Variants in ARNT2 observed in about 807,000 individuals in gnomAD.
ARNT2 encodes aryl hydrocarbon receptor nuclear translocator 2.
Under a neutral mutation model 91.7 loss-of-function variants are expected in ARNT2, and 36 were observed. The observed-to-expected ratio is 0.39, with a 90% confidence interval of 0.30 to 0.52. ARNT2 has a LOEUF of 0.52. Ranked by LOEUF, ARNT2 falls within the 20% of genes least tolerant of loss-of-function variation. The pLI, the probability that ARNT2 is intolerant of heterozygous loss-of-function variation, is 0.72. For missense variants in ARNT2, 775 were observed against 939.3 expected (o/e 0.83, Z 2.29); for synonymous variants, 365 against 347.1 (o/e 1.05, Z -0.57).
chr15:80,461,838 G>C (rs1303055535), intron 3 of ARNT2, among the ~76,000 whole-genome samples: 1 of 152,168 alleles, frequency 6.6e-6, no homozygotes, highest in Admixed American at 6.5e-5. Context: ...AGCCAAGAAA[G>C]CAGCCTCCAC....
At chr15:80,559,338 GCCCCA>G (rs1410616814) in intron 11 of ARNT2, among the ~76,000 whole-genome samples, 16 of 152,250 alleles carry the variant, frequency 1.1e-4, no homozygotes, top group South Asian at 1.0e-3. Context: ...CCCAGCCCCA[GCCCCA>G]GCCCCGGCCA....
intron 1 of ARNT2, among the ~76,000 whole-genome samples, chr15:80,449,659 C>CTT (rs1896358329): frequency 6.6e-6 from 1 of 152,172 alleles, no homozygotes; most frequent in Non-Finnish European, 1.5e-5. Flanking sequence ...TAAAATTCTT[C>CTT]TTCAAGAGTT....
intron 11 of ARNT2, among the ~76,000 whole-genome samples, chr15:80,561,634 T>G (rs1009664310): frequency 7.2e-5 from 11 of 152,162 alleles, no homozygotes; most frequent in Non-Finnish European, 1.3e-4. Flanking sequence ...TCATCAGTTT[T>G]AAATTGTGTG....
intron 8 of ARNT2, among the ~76,000 whole-genome samples, chr15:80,544,993 C>G (rs1310505508): frequency 4.6e-5 from 7 of 152,104 alleles, no homozygotes; most frequent in Admixed American, 4.6e-4. Flanking sequence ...CACCCCACCA[C>G]TGGAGGAGTT....
At chr15:80,578,070 G>A (rs956848296) in intron 15 of ARNT2, among the ~76,000 whole-genome samples, 9 of 152,200 alleles carry the variant, frequency 5.9e-5, no homozygotes, top group Non-Finnish European at 1.3e-4. Context: ...CGCACTGACC[G>A]ATCTCCGTTG....
At chr15:80,579,174 G>A (rs1898745019) in intron 15 of ARNT2, among the ~76,000 whole-genome samples, 1 of 152,314 alleles carries the variant, frequency 6.6e-6, no homozygotes, top group African/African-American at 2.4e-5. Context: ...GCCCTCATCA[G>A]TCAGTGTTTT....
At chr15:80,415,028 G>A (rs992157810) in intron 1 of ARNT2, among the ~76,000 whole-genome samples, 1 of 152,210 alleles carries the variant, frequency 6.6e-6, no homozygotes, top group Non-Finnish European at 1.5e-5. Context: ...AGAGGAGAAT[G>A]TAGACCCCCT....
At chr15:80,500,021 T>C (rs1897169826) in intron 5 of ARNT2, among the ~76,000 whole-genome samples, 1 of 152,200 alleles carries the variant, frequency 6.6e-6, no homozygotes, top group South Asian at 2.1e-4. Context: ...CAGCCACTTA[T>C]AAACACCTGC....
At chr15:80,476,573 G>T (rs1265644874) in intron 5 of ARNT2, among the ~76,000 whole-genome samples, 1 of 152,156 alleles carries the variant, frequency 6.6e-6, no homozygotes. Context: ...ATTCCCACTT[G>T]CTTTTGTGTC....
chr15:80,474,982 TG>T (rs1402615965), intron 4 of ARNT2, 27 bp from the exon 5 acceptor site: 2 of 1,610,344 alleles, frequency 1.2e-6, no homozygotes, highest in Non-Finnish European at 1.7e-6. Flanking sequence ...GTCAGTGTAT[TG>T]TGCCAATCAT....
At chr15:80,501,783 G>A (rs1897198475) in intron 5 of ARNT2, among the ~76,000 whole-genome samples, 1 of 152,186 alleles carries the variant, frequency 6.6e-6, no homozygotes, top group Non-Finnish European at 1.5e-5. Flanking sequence ...TTCAAAGTAG[G>A]AATGCCTGAT....
chr15:80,495,186 G>A (rs774676634), intron 5 of ARNT2, among the ~76,000 whole-genome samples: 16 of 152,160 alleles, frequency 1.1e-4, no homozygotes, highest in Non-Finnish European at 2.1e-4. Context: ...AGGAACGCAA[G>A]AGGGCCCAGA....
At chr15:80,414,344 T>A (rs983106189) in intron 1 of ARNT2, among the ~76,000 whole-genome samples, 1 of 152,148 alleles carries the variant, frequency 6.6e-6, no homozygotes, top group Non-Finnish European at 1.5e-5. Flanking sequence ...CAGCCTCAAA[T>A]GTCAATAGTG....
intron 7 of ARNT2, 123 bp downstream of exon 7, chr15:80,514,099 A>G (rs1897389493): frequency 1.9e-6 from 2 of 1,061,678 alleles, no homozygotes; most frequent in Non-Finnish European, 2.9e-6. Context: ...ACCAGACATC[A>G]GGGTGGCAGT....
rs1046692426 is a variant in ARNT2, at chr15:80,481,107, A to G, written c.622+5884A>G. On this transcript the variant is annotated intron_variant, in intron 5 of 18. Coordinates refer to ENST00000303329, the MANE Select transcript of ARNT2 (RefSeq NM_014862.4). Reference sequence around the variant, plus strand: ...GGATCTGGCTGGAAAGTTCCTGTGCATGATTCACATGTCCCAATCAGCTGT... The same window carrying G: ...GGATCTGGCTGGAAAGTTCCTGTGCGTGATTCACATGTCCCAATCAGCTGT... Among the ~76,000 whole-genome samples, 5 of 152,198 alleles carry G rather than the reference A, an allele frequency of 3.3e-5. No homozygotes were observed. The South Asian group carries it at 8.3e-4, about 25-fold the overall frequency.
intron 5 of ARNT2, among the ~76,000 whole-genome samples, chr15:80,482,229 C>T (rs1403507772): frequency 1.3e-5 from 2 of 152,174 alleles, no homozygotes; most frequent in Non-Finnish European, 2.9e-5. Context: ...GTTTCTAGCA[C>T]GTTTACCTAT....
At chr15:80,578,278 C>A (rs116331150) in intron 15 of ARNT2, among the ~76,000 whole-genome samples, 1,641 of 152,206 alleles carry the variant, frequency 0.011, 37 homozygotes, top group African/African-American at 0.038. Flanking sequence ...TTCAGCTAGG[C>A]CTGAAAGCAA....
intron 1 of ARNT2, among the ~76,000 whole-genome samples, chr15:80,407,252 C>G (rs542138333): frequency 7.9e-5 from 12 of 152,326 alleles, no homozygotes; most frequent in African/African-American, 2.6e-4. Flanking sequence ...TTTTTCCCAG[C>G]TGACCACTTC....
chr15:80,434,795 G>C (rs564840135), intron 1 of ARNT2, among the ~76,000 whole-genome samples: 1 of 152,186 alleles, frequency 6.6e-6, no homozygotes, highest in East Asian at 1.9e-4. Flanking sequence ...CCAGGAGCAG[G>C]ATAATAGATT....
Sources: gnomAD v4.1 joint callset for allele counts (sites outside exome capture counted in the v4.1 genomes callset) on GRCh38, gnomAD v4.1.1 for gene constraint, MANE v1.5 for transcripts, NCBI Gene and HGNC (gene_info 2026-07-23, HGNC 2026-07-21) for gene names.